NRCAM: variants seen among roughly 807,000 people sequenced by gnomAD.
NRCAM encodes the protein NgCAM-related cell adhesion molecule.
A neutral mutation model predicts 156.5 loss-of-function variants in NRCAM; 83 were observed. The ratio of observed to expected loss-of-function variants is 0.53; its 90% CI spans 0.44 to 0.64. The LOEUF is 0.64. Ranked by LOEUF, NRCAM falls within the 30% of genes least tolerant of loss-of-function variation. NRCAM has a pLI of 0.00. For synonymous variants in NRCAM, 538 were observed against 563.9 expected (o/e 0.95, Z 0.65); for missense variants, 1,417 against 1,597.3 (o/e 0.89, Z 1.92).
intron 3 of NRCAM, among the ~76,000 whole-genome samples, chr7:108,277,660 CTTCT>C (rs1004578801): frequency 2.6e-5 from 4 of 151,886 alleles, no homozygotes; most frequent in Non-Finnish European, 5.9e-5. Context: ...AGGTTTTTAC[CTTCT>C]TTGTGATGGG....
At chr7:108,296,458 G>A (rs2098456112) in intron 3 of NRCAM, among the ~76,000 whole-genome samples, 1 of 152,128 alleles carries the variant, frequency 6.6e-6, no homozygotes, top group African/African-American at 2.4e-5. Flanking sequence ...AGGTGACTCA[G>A]AGCGCTAATG....
intron 15 of NRCAM, 87 bp downstream of exon 15, chr7:108,195,673 GT>G (rs35825013): frequency 0.76 from 583,470 of 769,944 alleles, 224,345 homozygotes; most frequent in East Asian, 0.88. Context: ...TTCCCTGTTT[GT>G]TTTTTGAATA....
At chr7:108,285,476 C>G (rs1475466777) in intron 3 of NRCAM, among the ~76,000 whole-genome samples, 1 of 152,104 alleles carries the variant, frequency 6.6e-6, no homozygotes, top group African/African-American at 2.4e-5. Context: ...CAGTCTTAGT[C>G]CTAAAGAGAA....
At chr7:108,389,199 T>C (rs2099751587) in intron 2 of NRCAM, among the ~76,000 whole-genome samples, 1 of 152,224 alleles carries the variant, frequency 6.6e-6, no homozygotes, top group African/African-American at 2.4e-5. Flanking sequence ...GAGCATGAAA[T>C]GTTCTTCCAT....
chr7:108,443,279 T>G (rs1200202808), intron 1 of NRCAM, among the ~76,000 whole-genome samples: 2 of 152,164 alleles, frequency 1.3e-5, no homozygotes, highest in Non-Finnish European at 2.9e-5. Context: ...CAGACAAGGC[T>G]GCCGCTGGTG....
At chr7:108,182,508 C>G (rs1252231069) in intron 23 of NRCAM, among the ~76,000 whole-genome samples, 187 bp downstream of exon 23, 1 of 152,246 alleles carries the variant, frequency 6.6e-6, no homozygotes, top group East Asian at 1.9e-4. Flanking sequence ...CAAGGGACAA[C>G]TATACTGCAA....
At chr7:108,371,509 T>A (rs1388494145) in intron 2 of NRCAM, among the ~76,000 whole-genome samples, 1 of 152,144 alleles carries the variant, frequency 6.6e-6, no homozygotes, top group African/African-American at 2.4e-5. Flanking sequence ...GATGATATGT[T>A]TTCTTTGTAG....
chr7:108,328,142 A>G (rs936205740), intron 2 of NRCAM, among the ~76,000 whole-genome samples: 3 of 152,194 alleles, frequency 2.0e-5, no homozygotes, highest in Admixed American at 6.5e-5. Flanking sequence ...TATTCAAACC[A>G]TATCTGTCAG....
rs115084825 is a variant in NRCAM at position 108,385,154 on chromosome 7, T to C, written c.-174+14282A>G. 2.4e-3 allele frequency among the ~76,000 whole-genome samples: 367 copies of C among 152,364 alleles called. 3 individuals carry two copies. Among genetic ancestry groups the C allele is most frequent in the African/African-American group, 8.3e-3 (345 of 41,580 alleles). On this transcript the variant is annotated intron_variant, in intron 2 of 32. Transcript: ENST00000379028. ...GAGGAATAGATCACATTTATTTCCATCTTACATTTGTCTCCCTGTCTTAAT... is the reference window on the plus strand; with the variant it reads ...GAGGAATAGATCACATTTATTTCCACCTTACATTTGTCTCCCTGTCTTAAT...
chr7:108,428,819 G>A (rs1351547240), intron 1 of NRCAM, among the ~76,000 whole-genome samples: 2 of 152,020 alleles, frequency 1.3e-5, no homozygotes, highest in African/African-American at 4.8e-5. Context: ...TTCAGTTCCT[G>A]TTTGGTTGGC....
chr7:108,270,834 G>A lies in NRCAM; in HGVS notation c.-106-30664C>T, dbSNP rs1418325946. Among the ~76,000 whole-genome samples the A allele has an allele frequency of 3.9e-5, 6 of 152,218 alleles. No homozygotes were observed. In the East Asian group the frequency reaches 1.2e-3, roughly 29 times the overall value. ...TTACCCAGAATAGTCAAATGTGAGA[G>A]ACAGAAAGATTCATGCTTGCCAGGG... On this transcript the variant is annotated intron_variant, in intron 3 of 32. Coordinates refer to ENST00000379028, the MANE Select transcript of NRCAM (RefSeq NM_001037132.4).
At chr7:108,434,055 G>C (rs2154471190) in intron 1 of NRCAM, among the ~76,000 whole-genome samples, 1 of 152,280 alleles carries the variant, frequency 6.6e-6, no homozygotes, top group East Asian at 1.9e-4. Context: ...TCATTTGATT[G>C]CTCTAGTAAT....
At chr7:108,309,499 C>T (rs1313523800) in intron 3 of NRCAM, among the ~76,000 whole-genome samples, 1 of 152,150 alleles carries the variant, frequency 6.6e-6, no homozygotes, top group Non-Finnish European at 1.5e-5. Context: ...CTGGTATCAA[C>T]TAAACTCAGC....
rs372432260 is a variant in NRCAM at position 108,225,722 on chromosome 7, T to A, written c.722-21A>T. 6.6e-6 allele frequency: 10 copies of A among 1,515,066 alleles called. No homozygotes were observed. In the East Asian group the frequency reaches 1.4e-4, roughly 20 times the overall value. The allele number at this position is 1,515,066 out of a possible 1,614,324, so 93.9% of individuals were successfully genotyped here. A position where few individuals can be genotyped will look rare whatever the true frequency, so the allele number is the denominator to read the frequency against. ...ATCCACTGAAATAAACAGAATATTA[T>A]GAAGAGGGCATAAAAGTGGGGGAGA... is the stretch of plus-strand genomic sequence containing the variant. On this transcript the variant is annotated intron_variant, in intron 9 of 32. Coordinates refer to ENST00000379028, the MANE Select transcript of NRCAM (RefSeq NM_001037132.4).
At chr7:108,408,206 C>G (rs1030079367) in intron 1 of NRCAM, among the ~76,000 whole-genome samples, 1 of 152,046 alleles carries the variant, frequency 6.6e-6, no homozygotes, top group East Asian at 1.9e-4. Flanking sequence ...CTATCGTGTA[C>G]TAGGTACTAT....
chr7:108,258,975 C>A (rs1027653654), intron 3 of NRCAM, among the ~76,000 whole-genome samples: 1 of 152,170 alleles, frequency 6.6e-6, no homozygotes, highest in Non-Finnish European at 1.5e-5. Flanking sequence ...TACTTACATT[C>A]AAATTAAGAT....
intron 3 of NRCAM, among the ~76,000 whole-genome samples, chr7:108,297,340 C>T (rs1024264752): frequency 1.1e-4 from 17 of 152,158 alleles, no homozygotes; most frequent in Admixed American, 6.5e-5. Flanking sequence ...AATGGAAAGC[C>T]ACAATACCCT....
rs140938486 is a variant in NRCAM at position 108,301,671 on chromosome 7, TG to T, written c.-107+10993del. On this transcript the variant is annotated intron_variant, in intron 3 of 32. Coordinates refer to ENST00000379028, the MANE Select transcript of NRCAM (RefSeq NM_001037132.4). ...GGAAATTAGATAATTTTGCTATTTT[TG>T]AAAAAAATATGGCTCTTTTCCATTT... Among the ~76,000 whole-genome samples, 898 of 152,220 alleles carry T rather than the reference TG, an allele frequency of 5.9e-3. 9 individuals are homozygous for T. The highest frequency in any genetic ancestry group is 0.02 in the African/African-American group (850 of 41,552).
At chr7:108,372,865 T>C (rs1461887541) in intron 2 of NRCAM, among the ~76,000 whole-genome samples, 5 of 152,152 alleles carry the variant, frequency 3.3e-5, no homozygotes, top group African/African-American at 7.2e-5. Flanking sequence ...CCCAGAAGAA[T>C]TGAAATCAAC....
Sources: allele counts gnomAD v4.1 joint callset (sites outside exome capture counted in the v4.1 genomes callset), GRCh38; gene constraint gnomAD v4.1.1; transcripts MANE v1.5; gene names NCBI Gene and HGNC (gene_info 2026-07-23, HGNC 2026-07-21).